Variants in SGCZ observed in about 807,000 individuals in gnomAD.
SGCZ encodes zeta-sarcoglycan.
Under a neutral mutation model 41.3 loss-of-function variants are expected in SGCZ, and 40 were observed. That is an observed-to-expected ratio of 0.97 (90% CI 0.75 to 1.26). The LOEUF (loss-of-function observed/expected upper bound fraction) is 1.26, where lower values mean the gene tolerates loss of function less well. SGCZ is among the 50% of genes most tolerant of loss of function. The pLI, the probability that SGCZ is intolerant of heterozygous loss-of-function variation, is 0.00. For missense variants in SGCZ, 552 were observed against 369.8 expected (o/e 1.49, Z -4.04); for synonymous variants, 206 against 137.5 (o/e 1.50, Z -3.49).
At chr8:14,383,234 A>G (rs1452685172) in intron 2 of SGCZ, among the ~76,000 whole-genome samples, 1 of 152,248 alleles carries the variant, frequency 6.6e-6, no homozygotes. Flanking sequence ...AATGTGAATA[A>G]TTAATTAAAA....
chr8:14,981,293 T>C (rs1273330285), intron 1 of SGCZ, among the ~76,000 whole-genome samples: 1 of 152,226 alleles, frequency 6.6e-6, no homozygotes, highest in African/African-American at 2.4e-5. Flanking sequence ...TCCTTATTAT[T>C]ATCAGGATAT....
chr8:15,160,130 C>T (rs532062896), intron 1 of SGCZ, among the ~76,000 whole-genome samples: 1 of 152,148 alleles, frequency 6.6e-6, no homozygotes, highest in Admixed American at 6.5e-5. Context: ...AAACGATTTT[C>T]GTCTTGTAAA....
chr8:14,096,173 C>G (rs1008755315), intron 7 of SGCZ, among the ~76,000 whole-genome samples: 2 of 152,100 alleles, frequency 1.3e-5, no homozygotes, highest in African/African-American at 2.4e-5. Context: ...GCATCCTTGT[C>G]TTGTGCCAGT....
intron 1 of SGCZ, among the ~76,000 whole-genome samples, chr8:15,180,985 A>G (rs1800158738): frequency 6.6e-6 from 1 of 152,216 alleles, no homozygotes; most frequent in Non-Finnish European, 1.5e-5. Context: ...ATATGCCCAA[A>G]TGAAGGTAAA....
intron 1 of SGCZ, among the ~76,000 whole-genome samples, chr8:14,840,231 AG>A (rs1257497461): frequency 1.3e-5 from 2 of 152,140 alleles, no homozygotes; most frequent in African/African-American, 2.4e-5. Flanking sequence ...AGTGTTAATC[AG>A]GGTTGCCAGT....
intron 4 of SGCZ, among the ~76,000 whole-genome samples, chr8:14,175,235 A>G (rs1973166): frequency 0.34 from 52,404 of 151,952 alleles, 9,517 homozygotes; most frequent in East Asian, 0.7. Flanking sequence ...TTTACAGACT[A>G]ATAAAACCTG....
At chr8:15,088,280 T>C (rs541574306) in intron 1 of SGCZ, among the ~76,000 whole-genome samples, 4 of 152,322 alleles carry the variant, frequency 2.6e-5, no homozygotes, top group Non-Finnish European at 4.4e-5. Context: ...CTTTCATCTA[T>C]GACATAAGAA....
At chr8:14,619,815 T>G (rs1806224733) in intron 1 of SGCZ, among the ~76,000 whole-genome samples, 1 of 152,114 alleles carries the variant, frequency 6.6e-6, no homozygotes, top group Non-Finnish European at 1.5e-5. Flanking sequence ...GGAAACACAT[T>G]CCATGCTCAT....
chr8:14,289,337 C>A (rs988406629), intron 3 of SGCZ, among the ~76,000 whole-genome samples: 1 of 151,708 alleles, frequency 6.6e-6, no homozygotes, highest in African/African-American at 2.4e-5. Context: ...ATCTAAGAAA[C>A]CATTGTCAAA....
intron 3 of SGCZ, among the ~76,000 whole-genome samples, chr8:14,257,915 T>A (rs1057032689): frequency 6.6e-6 from 1 of 152,214 alleles, no homozygotes; most frequent in Non-Finnish European, 1.5e-5. Flanking sequence ...GATATAGATA[T>A]AGATATATAG....
chr8:14,721,615 C>T (rs1809889493), intron 1 of SGCZ, among the ~76,000 whole-genome samples: 1 of 152,212 alleles, frequency 6.6e-6, no homozygotes, highest in Non-Finnish European at 1.5e-5. Context: ...TCTAAGGCAC[C>T]ACCAATTCTC....
chr8:14,449,829 T>G (rs1233611009), intron 2 of SGCZ, among the ~76,000 whole-genome samples: 1 of 152,162 alleles, frequency 6.6e-6, no homozygotes, highest in African/African-American at 2.4e-5. Context: ...TAATGGAAGG[T>G]CCAAGAACTG....
At chr8:14,260,593 C>A (rs866154895) in intron 3 of SGCZ, among the ~76,000 whole-genome samples, 2 of 149,066 alleles carry the variant, frequency 1.3e-5, no homozygotes, top group Non-Finnish European at 3.0e-5. Context: ...CATCCCATTA[C>A]TGGGTATATA....
At chr8:14,926,225 T>C (rs1799744808) in intron 1 of SGCZ, among the ~76,000 whole-genome samples, 1 of 152,180 alleles carries the variant, frequency 6.6e-6, no homozygotes, top group Non-Finnish European at 1.5e-5. Flanking sequence ...TACTCATTTG[T>C]CGTTCAAATT....
intron 1 of SGCZ, among the ~76,000 whole-genome samples, chr8:15,196,254 C>G (rs1465905180): frequency 3.3e-5 from 5 of 152,112 alleles, no homozygotes; most frequent in African/African-American, 1.2e-4. Context: ...AAATCAGATG[C>G]CACTGTTTTA....
chr8:14,277,651 T>C (rs2117279698), intron 3 of SGCZ, among the ~76,000 whole-genome samples: 1 of 152,262 alleles, frequency 6.6e-6, no homozygotes, highest in South Asian at 2.1e-4. Context: ...AATGATACCC[T>C]GAAGTATGGT....
Position 14,806,081 on chromosome 8 carries a change from G to A in SGCZ, c.40-251155C>T, listed in dbSNP as rs1801515730. 7.9e-5 allele frequency among the ~76,000 whole-genome samples: 12 copies of A among 151,864 alleles called. No homozygotes were observed. The South Asian group carries it at 2.5e-3, about 32-fold the overall frequency. On this transcript the variant is annotated intron_variant, in intron 1 of 7. Coordinates refer to ENST00000382080, the MANE Select transcript of SGCZ (RefSeq NM_139167.4). ...GAATCTCTGGGACGCATTCAAAGCA[G>A]TGTGTAGAGGGAAATTTATAGCACT... is the stretch of plus-strand genomic sequence containing the variant.
At chr8:14,798,658 T>A (rs950208263) in intron 1 of SGCZ, among the ~76,000 whole-genome samples, 12 of 152,144 alleles carry the variant, frequency 7.9e-5, no homozygotes, top group Non-Finnish European at 1.5e-4. Context: ...AACAATAATT[T>A]TAAAATACTT....
chr8:15,028,886 T>C (rs144371145), intron 1 of SGCZ, among the ~76,000 whole-genome samples: 1 of 152,224 alleles, frequency 6.6e-6, no homozygotes, highest in Non-Finnish European at 1.5e-5. Context: ...TCATTTAGAA[T>C]ATATTCAAGA....
Sources: allele counts gnomAD v4.1 joint callset (sites outside exome capture counted in the v4.1 genomes callset), GRCh38; gene constraint gnomAD v4.1.1; transcripts MANE v1.5; gene names NCBI Gene and HGNC (gene_info 2026-07-23, HGNC 2026-07-21).